Variants in OPRD1 observed in about 807,000 individuals in gnomAD.
OPRD1 encodes opioid receptor delta 1, also known as delta-type opioid receptor.
OPRD1 carries 19 observed loss-of-function variants against 17.5 expected under a neutral mutation model. The observed-to-expected ratio is 1.09, with a 90% CI of 0.76 to 1.60. OPRD1 has a LOEUF of 1.60. Among genes scored for constraint, OPRD1 ranks in the 40% most tolerant of loss-of-function variants. The pLI is 0.00. For synonymous variants in OPRD1, 256 were observed against 240.9 expected, an observed-to-expected ratio of 1.06 and a Z score of -0.58; for missense variants, 483 against 547.2, an observed-to-expected ratio of 0.88 and a Z score of 1.17.
intron 1 of OPRD1, among the ~76,000 whole-genome samples, chr1:28,812,990 G>A (rs1384029338): frequency 6.6e-6 from 1 of 152,166 alleles, no homozygotes; most frequent in Admixed American, 6.5e-5. Context: ...CATGGGGTGG[G>A]CAGAGCTGCT....
intron 1 of OPRD1, among the ~76,000 whole-genome samples, chr1:28,820,997 CATT>C (rs2088708798): frequency 6.6e-6 from 1 of 152,126 alleles, no homozygotes; most frequent in African/African-American, 2.4e-5. Flanking sequence ...CAGAGACAGA[CATT>C]ATCCATAATC....
At chr1:28,860,922 C>T (rs2147751328) in intron 2 of OPRD1, among the ~76,000 whole-genome samples, 1 of 152,264 alleles carries the variant, frequency 6.6e-6, no homozygotes, top group South Asian at 2.1e-4. Context: ...AGCCCCATTC[C>T]TCACTGTCAG....
At chr1:28,846,505 A>G (rs1308622560) in intron 1 of OPRD1, among the ~76,000 whole-genome samples, 1 of 152,034 alleles carries the variant, frequency 6.6e-6, no homozygotes, top group African/African-American at 2.4e-5. Flanking sequence ...CAACATAGTG[A>G]AACCGCATCT....
At chr1:28,845,441 T>C (rs773082227) in intron 1 of OPRD1, among the ~76,000 whole-genome samples, 57 of 148,736 alleles carry the variant, frequency 3.8e-4, no homozygotes, top group Admixed American at 2.3e-3. Flanking sequence ...ATTGCACCAC[T>C]GCACTCCAGC....
intron 2 of OPRD1, 43 bp downstream of exon 2, chr1:28,859,346 G>A: frequency 6.5e-7 from 1 of 1,546,110 alleles, no homozygotes; most frequent in Non-Finnish European, 8.8e-7. Flanking sequence ...CTGACCACAG[G>A]AGGCAGTACA....
At chr1:28,824,676 T>C (rs1161287674) in intron 1 of OPRD1, among the ~76,000 whole-genome samples, 1 of 152,078 alleles carries the variant, frequency 6.6e-6, no homozygotes, top group Admixed American at 6.6e-5. Flanking sequence ...GAGATGTATA[T>C]ATATTATCCC....
chr1:28,846,107 C>T (rs532112862), intron 1 of OPRD1, among the ~76,000 whole-genome samples: 1 of 152,328 alleles, frequency 6.6e-6, no homozygotes, highest in East Asian at 1.9e-4. Context: ...GCTCACTACA[C>T]TGTCGTCACA....
rs546651989 is a variant in OPRD1, at chr1:28,859,209, G to A, written c.483G>A (p.Thr161=). ...CTGTCAAGGCCCTGGACTTCCGCACGCCTGCCAAGGCCAAGCTGATCAACA... is the reference window on the plus strand; with the variant it reads ...CTGTCAAGGCCCTGGACTTCCGCACACCTGCCAAGGCCAAGCTGATCAACA... ...CHPVKALDFR[T]PAKAKLINIC... The change falls in exon 2 of 3, where the codon ACG becomes ACA. Residue 161 remains threonine, a synonymous_variant. Transcript: ENST00000234961. 4.3e-5 allele frequency: 69 copies of A among 1,614,252 alleles called. No individual in the cohort carries two copies. The South Asian group carries it at 6.5e-4, about 15-fold the overall frequency.
intron 1 of OPRD1, among the ~76,000 whole-genome samples, chr1:28,840,309 A>G (rs1569628718): frequency 6.6e-6 from 1 of 152,084 alleles, no homozygotes; most frequent in African/African-American, 2.4e-5. Context: ...GCTGGAGTGC[A>G]GTGGCGTAAT....
At chr1:28,831,672 G>C (rs947226075) in intron 1 of OPRD1, among the ~76,000 whole-genome samples, 2 of 152,122 alleles carry the variant, frequency 1.3e-5, no homozygotes, top group Non-Finnish European at 2.9e-5. Flanking sequence ...AGCCTCCTGA[G>C]TAGCTGGGAC....
At chr1:28,813,643 G>A (rs925154353) in intron 1 of OPRD1, among the ~76,000 whole-genome samples, 1 of 152,172 alleles carries the variant, frequency 6.6e-6, no homozygotes, top group Non-Finnish European at 1.5e-5. Flanking sequence ...TAAGGGTTGA[G>A]AGGAAAATTT....
intron 1 of OPRD1, among the ~76,000 whole-genome samples, chr1:28,843,525 C>A (rs1390651890): frequency 6.6e-6 from 1 of 152,158 alleles, no homozygotes; most frequent in African/African-American, 2.4e-5. Flanking sequence ...TAAGTGGAAT[C>A]ATTCAGTGTT....
intron 1 of OPRD1, among the ~76,000 whole-genome samples, chr1:28,832,822 T>A (rs144659095): frequency 2.0e-5 from 3 of 152,296 alleles, no homozygotes; most frequent in Non-Finnish European, 2.9e-5. Context: ...TGAGAGAACA[T>A]GTGTGATGCT....
intron 1 of OPRD1, among the ~76,000 whole-genome samples, chr1:28,851,824 C>T (rs6657831): frequency 0.059 from 7,925 of 134,522 alleles, 220 homozygotes; most frequent in South Asian, 0.09. Context: ...CATTGCACTC[C>T]AGCCTGGGCA....
intron 1 of OPRD1, among the ~76,000 whole-genome samples, chr1:28,832,171 T>C (rs911797047): frequency 5.3e-5 from 8 of 152,210 alleles, no homozygotes; most frequent in Non-Finnish European, 8.8e-5. Context: ...AAAATGACTT[T>C]TTGATACAGC....
rs968235460 is a variant in OPRD1, at chr1:28,867,764, G to A, written c.*4481G>A. On this transcript the variant is annotated 3_prime_UTR_variant, in exon 3 of 3. Coordinates refer to ENST00000234961, the MANE Select transcript of OPRD1 (RefSeq NM_000911.4). ...GACTTCCTTCACGGGTGGTTGTGAG[G>A]ATTTAATGTATGTATAGGGATAAGG... The A allele has an allele frequency of 2.0e-5, 3 of 152,322 alleles. No homozygotes were observed. The highest frequency in any genetic ancestry group is 2.9e-5 in the Non-Finnish European group (2 of 68,142). The allele number at this position is 152,322 out of a possible 1,614,324, so 9.4% of individuals were successfully genotyped here. A position where few individuals can be genotyped will look rare whatever the true frequency, so the allele number is the denominator to read the frequency against.
chr1:28,816,931 C>T (rs1468140608), intron 1 of OPRD1, among the ~76,000 whole-genome samples: 1 of 152,086 alleles, frequency 6.6e-6, no homozygotes, highest in East Asian at 1.9e-4. Flanking sequence ...CTGGGTGGCC[C>T]GACCCAGAAC....
chr1:28,812,317 C>A lies in OPRD1; in HGVS notation c.-67C>A. Reference sequence around the variant, plus strand: ...GCCGCGGCCTCTGCCTTGCCGCTCCCCTCGCGTCGGATCCCCGCGCCCAGG... The same window carrying A: ...GCCGCGGCCTCTGCCTTGCCGCTCCACTCGCGTCGGATCCCCGCGCCCAGG... On this transcript the variant is annotated 5_prime_UTR_variant, in exon 1 of 3. Coordinates refer to ENST00000234961, the MANE Select transcript of OPRD1 (RefSeq NM_000911.4). 8.7e-7 allele frequency: 1 copy of A among 1,144,406 alleles called. No individual in the cohort carries two copies. Among genetic ancestry groups the A allele is most frequent in the Non-Finnish European group, 1.1e-6 (1 of 905,524 alleles). The allele number at this position is 1,144,406 out of a possible 1,614,324, so 70.9% of individuals were successfully genotyped here.
rs1342637177 is a variant in OPRD1, at chr1:28,866,915, C to T, written c.*3632C>T. ...GTAGGTCTGTTTCCCCCAAAATTTCCATTTATCTCCCTCCAGGAGGAGGGA... is the reference window on the plus strand; with the variant it reads ...GTAGGTCTGTTTCCCCCAAAATTTCTATTTATCTCCCTCCAGGAGGAGGGA... On this transcript the variant is annotated 3_prime_UTR_variant, in exon 3 of 3. Coordinates refer to ENST00000234961, the MANE Select transcript of OPRD1 (RefSeq NM_000911.4). 2 of 152,010 alleles carry T rather than the reference C, an allele frequency of 1.3e-5. No homozygotes were observed. The highest frequency in any genetic ancestry group is 2.1e-4 in the South Asian group (1 of 4,828). 9.4% of individuals were successfully genotyped at this position (152,010 alleles called of 1,614,324 possible).
Sources: gnomAD v4.1 joint callset for allele counts (sites outside exome capture counted in the v4.1 genomes callset) on GRCh38, gnomAD v4.1.1 for gene constraint, MANE v1.5 for transcripts, NCBI Gene and HGNC (gene_info 2026-07-23, HGNC 2026-07-21) for gene names.